The following UXS1 variants were observed in gnomAD, a reference collection of about 807,000 sequenced individuals.
The protein encoded by UXS1 is UDP-glucuronic acid decarboxylase 1.
In UXS1, 33 loss-of-function variants were observed where a neutral mutation model predicts 62.6. That is an observed-to-expected ratio of 0.53 (90% CI 0.40 to 0.70). The LOEUF is 0.70. Among genes scored for constraint, UXS1 ranks in the 30% least tolerant of loss-of-function variants. The pLI is 0.00. For missense variants in UXS1, 434 were observed against 556.3 expected (o/e 0.78, Z 2.21); for synonymous variants, 213 against 206.8 (o/e 1.03, Z -0.26).
At chr2:106,153,389 A>G (rs1682186984) in intron 5 of UXS1, among the ~76,000 whole-genome samples, 2 of 152,242 alleles carry the variant, frequency 1.3e-5, no homozygotes, top group South Asian at 2.1e-4. Flanking sequence ...GACTGTCAGC[A>G]TGAGCCTGTT....
chr2:106,192,078 A>G (rs2104307206), intron 1 of UXS1, among the ~76,000 whole-genome samples: 1 of 152,236 alleles, frequency 6.6e-6, no homozygotes, highest in Middle Eastern at 3.4e-3. Context: ...TTTAAAAAAA[A>G]CCCTACTGAT....
chr2:106,153,880 A>T (rs538248084), intron 5 of UXS1, among the ~76,000 whole-genome samples: 1 of 152,232 alleles, frequency 6.6e-6, no homozygotes, highest in Non-Finnish European at 1.5e-5. Flanking sequence ...GATAATAAAG[A>T]GAGATTACAA....
intron 1 of UXS1, among the ~76,000 whole-genome samples, chr2:106,170,995 T>G (rs1573559677): frequency 6.6e-6 from 1 of 152,324 alleles, no homozygotes; most frequent in East Asian, 1.9e-4. Flanking sequence ...AGTAAGTATT[T>G]TAAGAAAGAT....
At chr2:106,150,872 G>A (rs1226332732) in intron 5 of UXS1, among the ~76,000 whole-genome samples, 2 of 152,318 alleles carry the variant, frequency 1.3e-5, no homozygotes, top group East Asian at 1.9e-4. Flanking sequence ...CAAGGCTGGG[G>A]CTCCCAGAGG....
chr2:106,101,270 A>C, intron 11 of UXS1, 152 bp from the exon 12 acceptor site: 1 of 700,342 alleles, frequency 1.4e-6, no homozygotes, highest in South Asian at 2.0e-5. Context: ...AAATCCTACA[A>C]ACTAAGATGG....
At chr2:106,171,034 T>C (rs767388097) in intron 1 of UXS1, among the ~76,000 whole-genome samples, 6 of 152,236 alleles carry the variant, frequency 3.9e-5, no homozygotes, top group Non-Finnish European at 5.9e-5. Flanking sequence ...AAAGGGCTTA[T>C]AACTGAATGC....
intron 6 of UXS1, 118 bp from the exon 7 acceptor site, chr2:106,129,896 T>C: frequency 1.7e-6 from 1 of 591,526 alleles, no homozygotes; most frequent in Non-Finnish European, 2.8e-6. Flanking sequence ...AATCAAGTTA[T>C]TTTATTCTTC....
intron 7 of UXS1, 104 bp from the exon 8 acceptor site, chr2:106,125,783 A>T (rs1679888883): frequency 2.1e-6 from 2 of 957,082 alleles, no homozygotes; most frequent in Non-Finnish European, 3.0e-6. Context: ...ACATTTAATT[A>T]TCTATCCAAT....
At chr2:106,193,990 G>A (rs1685106847) in intron 1 of UXS1, among the ~76,000 whole-genome samples, 158 bp downstream of exon 1, 1 of 151,826 alleles carries the variant, frequency 6.6e-6, no homozygotes, top group Non-Finnish European at 1.5e-5. Context: ...TGCTGCAAGA[G>A]TGGAAAGGGG....
At chr2:106,137,861 A>G (rs1396521634) in intron 6 of UXS1, among the ~76,000 whole-genome samples, 1 of 152,176 alleles carries the variant, frequency 6.6e-6, no homozygotes, top group African/African-American at 2.4e-5. Flanking sequence ...CCAGACCTTC[A>G]GAGCCGAGTA....
intron 13 of UXS1, 85 bp from the exon 14 acceptor site, chr2:106,096,906 C>A: frequency 7.5e-7 from 1 of 1,330,528 alleles, no homozygotes; most frequent in South Asian, 1.3e-5. Context: ...AAAGGCAAAC[C>A]CCATATGTGG....
In UXS1 at chr2:106,096,701, T is replaced by A. The variant is rs1302455817; in HGVS notation, c.1146+17A>T. 1 of 1,547,296 alleles carries A rather than the reference T, an allele frequency of 6.5e-7. No individual in the cohort carries two copies. Among genetic ancestry groups the A allele is most frequent in the Admixed American group, 1.9e-5 (1 of 51,298 alleles). On this transcript the variant is annotated intron_variant, in intron 14 of 14. Transcript: ENST00000283148. ...GAGGCCCCTCCCCACAAGGCAGCAT[T>A]AACTCCCTGCACTTACCACGGGCTC...
At chr2:106,178,348 G>A (rs1247305549) in intron 1 of UXS1, among the ~76,000 whole-genome samples, 2 of 152,140 alleles carry the variant, frequency 1.3e-5, no homozygotes, top group African/African-American at 4.8e-5. Context: ...TCAGTGTTGA[G>A]CATGCACCCC....
At chr2:106,154,897 T>G (rs889140945) in intron 5 of UXS1, among the ~76,000 whole-genome samples, 8 of 152,184 alleles carry the variant, frequency 5.3e-5, no homozygotes, top group Non-Finnish European at 7.3e-5. Context: ...CAAAGAGGTT[T>G]ATTTGGCACA....
intron 13 of UXS1, chr2:106,097,635 G>C (rs1179558938): frequency 9.2e-6 from 2 of 216,722 alleles, no homozygotes; most frequent in East Asian, 9.5e-5. Context: ...TCAACAGGCA[G>C]ATCCTGATCT....
intron 12 of UXS1, among the ~76,000 whole-genome samples, chr2:106,100,112 A>C (rs987493154): frequency 1.3e-5 from 2 of 152,190 alleles, no homozygotes; most frequent in East Asian, 3.8e-4. Flanking sequence ...AAGCACCTGA[A>C]ATGACCCCAA....
intron 8 of UXS1, among the ~76,000 whole-genome samples, chr2:106,123,671 C>T (rs181008919): frequency 8.7e-4 from 132 of 152,222 alleles, no homozygotes; most frequent in African/African-American, 3.1e-3. Flanking sequence ...GTTTCTCTAG[C>T]GTATAAATCA....
At chr2:106,192,355 C>A (rs1466826272) in intron 1 of UXS1, among the ~76,000 whole-genome samples, 5 of 152,152 alleles carry the variant, frequency 3.3e-5, no homozygotes, top group African/African-American at 1.2e-4. Context: ...GAGATCGAGA[C>A]CATCCTGGCT....
intron 1 of UXS1, among the ~76,000 whole-genome samples, chr2:106,181,649 C>T (rs997184646): frequency 6.6e-6 from 1 of 152,138 alleles, no homozygotes; most frequent in Non-Finnish European, 1.5e-5. Flanking sequence ...CTTAGGAGGG[C>T]AGGTTGCAGT....
Sources: gnomAD v4.1 joint callset for allele counts (sites outside exome capture counted in the v4.1 genomes callset) on GRCh38, gnomAD v4.1.1 for gene constraint, MANE v1.5 for transcripts, NCBI Gene and HGNC (gene_info 2026-07-23, HGNC 2026-07-21) for gene names.